Variants in LRCH3 observed in about 807,000 individuals in gnomAD.
The protein encoded by LRCH3 is leucine rich repeats and calponin homology domain containing 3, also known as DISP complex protein LRCH3.
A neutral mutation model predicts 104.5 loss-of-function variants in LRCH3; 68 were observed. That is an observed-to-expected ratio of 0.65 (90% CI 0.54 to 0.80). The LOEUF is 0.80. LRCH3 is among the 30% of genes least tolerant of loss of function. The pLI is 0.00. For synonymous variants in LRCH3, 344 were observed against 361.3 expected (o/e 0.95, Z 0.54); for missense variants, 951 against 953.9 (o/e 1.00, Z 0.04).
chr3:197,854,455 T>G lies in LRCH3; in HGVS notation c.1644+10T>G. ...TAGTGCCTTGTGCATGGTAAGAGTT[T>G]TGCACAAAACGGAGTTTCGCATTTC... is the stretch of plus-strand genomic sequence containing the variant. On this transcript the variant is annotated intron_variant, in intron 14 of 20. Coordinates refer to ENST00000425562, the MANE Select transcript of LRCH3 (RefSeq NM_001365715.1). This position sits in a 1 kb window ranked among gnomAD's most constrained non-coding sequence, Gnocchi z 4.5. The G allele has an allele frequency of 6.2e-7, 1 of 1,613,524 alleles. No individual in the cohort carries two copies.
chr3:197,817,101 A>G, intron 2 of LRCH3, 75 bp from the exon 3 acceptor site: 1 of 1,327,650 alleles, frequency 7.5e-7, no homozygotes, highest in Non-Finnish European at 1.0e-6. Flanking sequence ...TTTACTGAGT[A>G]TAGCGTGAGA....
At chr3:197,798,647 G>A (rs187185180) in intron 1 of LRCH3, among the ~76,000 whole-genome samples, 1 of 152,350 alleles carries the variant, frequency 6.6e-6, no homozygotes, top group Non-Finnish European at 1.5e-5. Context: ...GAGGCAGTCT[G>A]TAACTCACAA....
chr3:197,793,394 C>T (rs920894480), intron 1 of LRCH3, among the ~76,000 whole-genome samples: 2 of 152,132 alleles, frequency 1.3e-5, no homozygotes, highest in African/African-American at 2.4e-5. Flanking sequence ...TTCTGGTAGA[C>T]GGCATGTAAA....
In LRCH3 at chr3:197,883,499, TTTTC is replaced by T. The variant is rs557088322; in HGVS notation, c.2209-38_2209-35del. 7.2e-4 allele frequency: 1,097 copies of T among 1,520,842 alleles called. 3 individuals are homozygous for T. The African/African-American group carries it at 0.011, about 15-fold the overall frequency. 94.2% of individuals were successfully genotyped at this position (1,520,842 alleles called of 1,614,324 possible). On this transcript the variant is annotated intron_variant, in intron 20 of 20. Transcript: ENST00000425562. The surrounding 1 kb of genome is among the most constrained non-coding windows in gnomAD (Gnocchi z 4.2). ...TTTCAGTTCTATGATATTCATCCGA[TTTTC>T]TTTTTTGTTTGTTTTCATGTTACGT...
intron 10 of LRCH3, among the ~76,000 whole-genome samples, chr3:197,844,202 G>A (rs1211815201): frequency 6.6e-6 from 1 of 152,148 alleles, no homozygotes; most frequent in East Asian, 1.9e-4. Flanking sequence ...TGAGATGAGA[G>A]TTCTGCTGTG....
intron 1 of LRCH3, among the ~76,000 whole-genome samples, chr3:197,799,886 A>C (rs970404239): frequency 6.6e-6 from 1 of 151,678 alleles, no homozygotes; most frequent in Non-Finnish European, 1.5e-5. Flanking sequence ...ACAAAAACAA[A>C]AAACAAAAGA....
rs1378668040 is a variant in LRCH3 at position 197,883,227 on chromosome 3, A to G, written c.2209-314A>G. ...GACCTGTATTGACCTTTTATTCATCAGGGATAAAGGATGTTGCTTTCACCC... is the reference window on the plus strand; with the variant it reads ...GACCTGTATTGACCTTTTATTCATCGGGGATAAAGGATGTTGCTTTCACCC... On this transcript the variant is annotated intron_variant, in intron 20 of 20. Coordinates refer to ENST00000425562, the MANE Select transcript of LRCH3 (RefSeq NM_001365715.1). This position sits in a 1 kb window ranked among gnomAD's most constrained non-coding sequence, Gnocchi z 4.2. The G allele has an allele frequency of 9.6e-7, 1 of 1,044,934 alleles. No homozygotes were observed. The highest frequency in any genetic ancestry group is 1.2e-6 in the Non-Finnish European group (1 of 868,086). 64.7% of individuals were successfully genotyped at this position (1,044,934 alleles called of 1,614,324 possible). A position where few individuals can be genotyped will look rare whatever the true frequency, so the allele number is the denominator to read the frequency against.
chr3:197,880,000 C>G (rs534842079), intron 20 of LRCH3, among the ~76,000 whole-genome samples: 1 of 149,768 alleles, frequency 6.7e-6, no homozygotes, highest in Non-Finnish European at 1.5e-5. Flanking sequence ...GGCTGGAGTG[C>G]GGTGGCGCGA....
At position 197,848,012 on chromosome 3, in the gene LRCH3, CT is replaced by C. The variant is rs1473900706; in HGVS notation, c.1524del (p.Phe508LeufsTer17). 1 of 1,614,030 alleles carries C rather than the reference CT, an allele frequency of 6.2e-7. No individual in the cohort carries two copies. On this transcript the variant is annotated frameshift_variant, in exon 12 of 21. Coordinates refer to ENST00000425562, the MANE Select transcript of LRCH3 (RefSeq NM_001365715.1). LOFTEE classifies it high-confidence loss of function. Reference protein sequence around the residue: ...KQIQRDAVLDFVKQKASQSPQ... With the variant: ...KQIQRDAVLDXVKQKASQSPQ... Reference sequence around the variant, plus strand: ...AGATCCAGAGAGATGCTGTCCTGGACTTTGTCAAAGTGAGTCGTTTGAATGA... The same window carrying C: ...AGATCCAGAGAGATGCTGTCCTGGACTTGTCAAAGTGAGTCGTTTGAATGA...
rs1321959223 is a variant in LRCH3, at chr3:197,824,805, C to T, written c.641-2073C>T. On this transcript the variant is annotated intron_variant, in intron 4 of 20. Coordinates refer to ENST00000425562, the MANE Select transcript of LRCH3 (RefSeq NM_001365715.1). ...CAGGCTGGTCTTGAACTTCTGACCT[C>T]GTGATTCACCCGCCTTGGCCTCCCA... Among the ~76,000 whole-genome samples the T allele has an allele frequency of 5.9e-5, 9 of 151,838 alleles. 1 individual carries two copies. The highest frequency in any genetic ancestry group is 1.0e-4 in the Non-Finnish European group (7 of 67,990).
intron 4 of LRCH3, among the ~76,000 whole-genome samples, chr3:197,826,277 G>A (rs1167993807): frequency 6.6e-6 from 1 of 152,160 alleles, no homozygotes; most frequent in Non-Finnish European, 1.5e-5. Flanking sequence ...TCGTTATTGT[G>A]TATATTCTTA....
At chr3:197,878,019 TC>T (rs776937912) in intron 20 of LRCH3, among the ~76,000 whole-genome samples, 1 of 152,224 alleles carries the variant, frequency 6.6e-6, no homozygotes, top group Non-Finnish European at 1.5e-5. Flanking sequence ...CTCCAGTTCT[TC>T]CCTTCTGCTT....
intron 14 of LRCH3, 143 bp from the exon 15 acceptor site, chr3:197,858,691 T>C: frequency 1.4e-6 from 1 of 715,086 alleles, no homozygotes; most frequent in Admixed American, 2.1e-5. Context: ...ATTCTCTTCC[T>C]GCCCTGTCAG....
chr3:197,791,496 C>T lies in LRCH3; in HGVS notation c.218C>T (p.Pro73Leu). 1 of 1,600,112 alleles carries T rather than the reference C, an allele frequency of 6.2e-7. No homozygotes were observed. Among genetic ancestry groups the T allele is most frequent in the African/African-American group, 1.4e-5 (1 of 73,556 alleles). ...AGCGGCCGGAAACTGAGGGAGTTTC[C>T]CCGGGGAGCGGCCAACCACGACCTG... ...SLSGRKLREF[P>L]RGAANHDLTD... Residue 73 changes from proline to leucine, a missense_variant, in exon 1 of 21, where the codon CCC becomes CTC. Physicochemically the swap from Pro to Leu is moderately conservative, Grantham distance 98 (BLOSUM62 -3). Transcript: ENST00000425562.
chr3:197,850,261 G>T (rs973729426), intron 12 of LRCH3: 3 of 576,928 alleles, frequency 5.2e-6, no homozygotes, highest in Non-Finnish European at 9.1e-6. Flanking sequence ...AAAACTTATT[G>T]AATGCTTATT....
chr3:197,809,798 T>G (rs1315115858), intron 1 of LRCH3, among the ~76,000 whole-genome samples: 2 of 152,132 alleles, frequency 1.3e-5, no homozygotes, highest in African/African-American at 4.8e-5. Flanking sequence ...GGCTTTCTGG[T>G]TTTCATTTGT....
intron 10 of LRCH3, among the ~76,000 whole-genome samples, chr3:197,841,969 A>C (rs1049407873): frequency 6.6e-6 from 1 of 152,098 alleles, no homozygotes; most frequent in African/African-American, 2.4e-5. Context: ...AGTAGCTGCA[A>C]CTTCAGGCGT....
chr3:197,844,494 G>C (rs1000311829), intron 10 of LRCH3, among the ~76,000 whole-genome samples: 1 of 151,982 alleles, frequency 6.6e-6, no homozygotes, highest in Non-Finnish European at 1.5e-5. Context: ...CTGGACTCAA[G>C]ATCCTCCCGC....
chr3:197,841,011 C>T (rs376451448), intron 10 of LRCH3, among the ~76,000 whole-genome samples: 5 of 152,314 alleles, frequency 3.3e-5, no homozygotes, highest in South Asian at 2.1e-4. Flanking sequence ...AAGGTAAAAG[C>T]TGGCTCTTTC....
Sources: allele counts gnomAD v4.1 joint callset (sites outside exome capture counted in the v4.1 genomes callset), GRCh38; gene constraint gnomAD v4.1.1; non-coding constraint Gnocchi (gnomAD v3.1); transcripts MANE v1.5; gene names NCBI Gene and HGNC (gene_info 2026-07-23, HGNC 2026-07-21).